The following TRAM2 variants were observed in gnomAD, a reference collection of about 807,000 sequenced individuals.
The protein encoded by TRAM2 is translocating chain-associated membrane protein 2.
In TRAM2, 12 loss-of-function variants were observed where a neutral mutation model predicts 51.0. That is an observed-to-expected ratio of 0.24 (90% CI 0.15 to 0.38). The LOEUF is 0.38. Among genes scored for constraint, TRAM2 ranks in the 10% least tolerant of loss-of-function variants. TRAM2 has a pLI of 1.00. For synonymous variants in TRAM2, 175 were observed against 179.4 expected (o/e 0.98, Z 0.20); for missense variants, 361 against 462.0 (o/e 0.78, Z 2.00).
At chr6:52,505,913 G>A (rs765259614) in intron 8 of TRAM2, 119 bp downstream of exon 8, 100 of 1,379,534 alleles carry the variant, frequency 7.2e-5, no homozygotes, top group Non-Finnish European at 8.6e-5. Flanking sequence ...TAACGGGAGG[G>A]CACCACCTGC....
chr6:52,570,803 C>CT (rs1554267140), intron 1 of TRAM2, among the ~76,000 whole-genome samples: 1 of 122,734 alleles, frequency 8.1e-6, no homozygotes, highest in South Asian at 3.1e-4. Flanking sequence ...CCACCCCCCC[C>CT]CCCACACGCA....
intron 1 of TRAM2, among the ~76,000 whole-genome samples, chr6:52,575,203 AC>A (rs1289177721): frequency 6.6e-6 from 1 of 152,210 alleles, no homozygotes; most frequent in Non-Finnish European, 1.5e-5. Flanking sequence ...AAACCTTACA[AC>A]CACCCTGTGA....
intron 1 of TRAM2, among the ~76,000 whole-genome samples, chr6:52,544,943 A>G (rs11757614): frequency 0.098 from 14,969 of 152,258 alleles, 1,341 homozygotes; most frequent in East Asian, 0.49. Context: ...CAAATAAACA[A>G]AGCCTGGGCA....
Position 52,556,285 on chromosome 6 carries a change from CT to C in TRAM2, c.121-20440del, listed in dbSNP as rs10531756. 2.0e-3 allele frequency among the ~76,000 whole-genome samples: 286 copies of C among 146,100 alleles called. 1 individual carries two copies. Among genetic ancestry groups the C allele is most frequent in the East Asian group, 9.5e-3 (47 of 4,928 alleles). ...AATCTGTACTTTTTGTTTTGTTTGG[CT>C]TTTTTTTTTTTTGAGACAAAGTCTT... is the stretch of plus-strand genomic sequence containing the variant. On this transcript the variant is annotated intron_variant, in intron 1 of 10. Coordinates refer to ENST00000182527, the MANE Select transcript of TRAM2 (RefSeq NM_012288.4).
intron 2 of TRAM2, among the ~76,000 whole-genome samples, chr6:52,532,094 G>A (rs1235500847): frequency 6.6e-6 from 1 of 152,218 alleles, no homozygotes; most frequent in Non-Finnish European, 1.5e-5. Flanking sequence ...AGAGTGTGCT[G>A]TCTATGCTTC....
chr6:52,560,249 T>TA (rs749424944), intron 1 of TRAM2, among the ~76,000 whole-genome samples: 5,181 of 127,668 alleles, frequency 0.041, 208 homozygotes, highest in African/African-American at 0.11. Flanking sequence ...CTGTCTCAAA[T>TA]AAAAAAAAAA....
At chr6:52,538,259 T>C (rs755514819) in intron 1 of TRAM2, among the ~76,000 whole-genome samples, 2 of 152,206 alleles carry the variant, frequency 1.3e-5, no homozygotes, top group African/African-American at 2.4e-5. Flanking sequence ...TGCACATGTC[T>C]TTTAGAGCAC....
chr6:52,512,895 C>CA (rs1766475701), intron 4 of TRAM2, among the ~76,000 whole-genome samples: 1 of 152,204 alleles, frequency 6.6e-6, no homozygotes, highest in African/African-American at 2.4e-5. Flanking sequence ...GGTCCTGGTA[C>CA]AAGCACCAGC....
chr6:52,560,261 A>AG (rs1443736487), intron 1 of TRAM2, among the ~76,000 whole-genome samples: 10 of 151,878 alleles, frequency 6.6e-5, no homozygotes, highest in East Asian at 1.9e-4. Flanking sequence ...AAAAAAAAAA[A>AG]AGAGAGAGAG....
rs553109347 is a variant in TRAM2, at chr6:52,570,799, C to CG, written c.120+5996_120+5997insC. Among the ~76,000 whole-genome samples the CG allele has an allele frequency of 4.2e-3, 490 of 117,666 alleles. 16 individuals carry two copies. Among genetic ancestry groups the CG allele is most frequent in the Non-Finnish European group, 6.0e-3 (329 of 54,674 alleles). 77.2% of individuals were successfully genotyped at this position (117,666 alleles called of 152,430 possible). A position where few individuals can be genotyped will look rare whatever the true frequency, so the allele number is the denominator to read the frequency against. ...CCCCAATCCTCCCTGCCCACCACCC[C>CG]CCCCCCCACACGCACACACACTCTG... On this transcript the variant is annotated intron_variant, in intron 1 of 10. Transcript: ENST00000182527.
chr6:52,506,140 G>T lies in TRAM2; in HGVS notation c.627-4C>A, dbSNP rs1280295111. 19 of 1,613,180 alleles carry T rather than the reference G, an allele frequency of 1.2e-5. No homozygotes were observed. The highest frequency in any genetic ancestry group is 1.6e-5 in the Non-Finnish European group (19 of 1,179,870). Reference sequence around the variant, plus strand: ...GATCAGGCCCAGGCGGCTCAGGCTGGGGGTGGGGAAGACTAGACTTACATT... The same window carrying T: ...GATCAGGCCCAGGCGGCTCAGGCTGTGGGTGGGGAAGACTAGACTTACATT... On this transcript the variant is annotated splice_region_variant and splice_polypyrimidine_tract_variant and intron_variant, in intron 7 of 10. Coordinates refer to ENST00000182527, the MANE Select transcript of TRAM2 (RefSeq NM_012288.4).
chr6:52,554,813 C>T (rs1372428539), intron 1 of TRAM2, among the ~76,000 whole-genome samples: 2 of 144,500 alleles, frequency 1.4e-5, no homozygotes, highest in East Asian at 4.1e-4. Flanking sequence ...GTGGGCCAGG[C>T]TGGAGTGCAG....
rs1298062508 is a variant in TRAM2 at position 52,516,097 on chromosome 6, G to A, written c.320C>T (p.Ser107Phe). ...ATTGAACTTGCTGTGTTTGACTTTG[G>A]AGAGATGAAGCCGTTTGCTGATTTT... is the stretch of plus-strand genomic sequence containing the variant. ...LDKISKRLHLSKVKHSKFNES... is the reference protein window; with the variant it reads ...LDKISKRLHLFKVKHSKFNES... Residue 107 changes from serine (S) to phenylalanine (F), a missense_variant, in exon 4 of 11, where the codon TCC (serine) becomes TTC (phenylalanine). Ser to Phe is a radical substitution (Grantham distance 155, BLOSUM62 -2). Coordinates refer to ENST00000182527, the MANE Select transcript of TRAM2 (RefSeq NM_012288.4). 6.2e-7 allele frequency: 1 copy of A among 1,614,002 alleles called. No homozygotes were observed. Among genetic ancestry groups the A allele is most frequent in the Non-Finnish European group, 8.5e-7 (1 of 1,180,018 alleles).
intron 6 of TRAM2, among the ~76,000 whole-genome samples, 199 bp from the exon 7 acceptor site, chr6:52,507,822 C>G (rs973186593): frequency 6.6e-6 from 1 of 152,136 alleles, no homozygotes; most frequent in African/African-American, 2.4e-5. Context: ...TTCCCAAATT[C>G]CAGCAGCCTT....
chr6:52,509,379 C>T, intron 5 of TRAM2, 149 bp downstream of exon 5: 1 of 661,572 alleles, frequency 1.5e-6, no homozygotes, highest in African/African-American at 1.8e-5. Context: ...GAAGTGGCTT[C>T]CAGACAAGTC....
At chr6:52,566,259 GC>G (rs1170830901) in intron 1 of TRAM2, among the ~76,000 whole-genome samples, 6 of 152,008 alleles carry the variant, frequency 3.9e-5, no homozygotes, top group African/African-American at 1.4e-4. Context: ...GTCCTTGCCC[GC>G]CCCACCACTG....
At chr6:52,535,285 TGAA>T (rs1419321218) in intron 2 of TRAM2, among the ~76,000 whole-genome samples, 2 of 152,190 alleles carry the variant, frequency 1.3e-5, no homozygotes, top group Non-Finnish European at 2.9e-5. Flanking sequence ...CCTCTTCTGA[TGAA>T]GAAGACAGAG....
At chr6:52,566,510 G>C (rs139156445) in intron 1 of TRAM2, among the ~76,000 whole-genome samples, 1 of 151,982 alleles carries the variant, frequency 6.6e-6, no homozygotes, top group African/African-American at 2.4e-5. Context: ...AACCACTCTA[G>C]TAGTCTCCAG....
intron 10 of TRAM2, among the ~76,000 whole-genome samples, chr6:52,503,996 A>C (rs1193090401): frequency 2.0e-5 from 3 of 152,178 alleles, no homozygotes; most frequent in Non-Finnish European, 2.9e-5. Context: ...AGCAGCGCCC[A>C]GTGCAGACAG....
Sources: gnomAD v4.1 joint callset for allele counts (sites outside exome capture counted in the v4.1 genomes callset) on GRCh38, gnomAD v4.1.1 for gene constraint, MANE v1.5 for transcripts, NCBI Gene and HGNC (gene_info 2026-07-23, HGNC 2026-07-21) for gene names.